PRSS12: variants seen among roughly 807,000 people sequenced by gnomAD.
PRSS12 encodes the protein neurotrypsin.
PRSS12 carries 85 observed loss-of-function variants against 104.4 expected under a neutral mutation model. The ratio of observed to expected loss-of-function variants is 0.81; its 90% confidence interval spans 0.68 to 0.98. The LOEUF (loss-of-function observed/expected upper bound fraction) is 0.98, where lower values mean the gene tolerates loss of function less well. Ranked by LOEUF, PRSS12 falls within the 50% of genes least tolerant of loss-of-function variation. PRSS12 has a pLI of 0.00. For synonymous variants in PRSS12, 454 were observed against 425.2 expected (o/e 1.07, Z -0.83); for missense variants, 1,141 against 1,139.2 (o/e 1.00, Z -0.02).
intron 11 of PRSS12, among the ~76,000 whole-genome samples, chr4:118,291,287 C>T (rs971697274): frequency 2.0e-5 from 3 of 152,120 alleles, no homozygotes; most frequent in African/African-American, 7.2e-5. Context: ...ATTGCCATCC[C>T]TCAAACATAG....
Position 118,318,469 on chromosome 4 carries a change from C to T in PRSS12, c.1059G>A (p.Glu353=). 1 of 1,614,168 alleles carries T rather than the reference C, an allele frequency of 6.2e-7. No individual in the cohort carries two copies. The highest frequency in any genetic ancestry group is 8.5e-7 in the Non-Finnish European group (1 of 1,180,018). Residue 353 remains glutamate (E), a synonymous_variant, in exon 5 of 13, where the codon GAG becomes GAA. Coordinates refer to ENST00000296498, the MANE Select transcript of PRSS12 (RefSeq NM_003619.4). The part of the protein sequence containing the change: ...MLDEVRCTGN[E]LSIEQCPKSS... Reference sequence around the variant, plus strand: ...TCTTTGGACACTGCTCAATTGAAAGCTCATTCCCAGTGCAGCGTACTTCAT... The same window carrying T: ...TCTTTGGACACTGCTCAATTGAAAGTTCATTCCCAGTGCAGCGTACTTCAT...
chr4:118,288,978 G>A (rs72677035), intron 11 of PRSS12, among the ~76,000 whole-genome samples: 8,199 of 152,278 alleles, frequency 0.054, 354 homozygotes, highest in Non-Finnish European at 0.085. Context: ...GCATGGAAAT[G>A]TGTGAAAGCT....
intron 3 of PRSS12, among the ~76,000 whole-genome samples, chr4:118,332,842 CA>C (rs2126040836): frequency 6.6e-6 from 1 of 152,272 alleles, no homozygotes; most frequent in South Asian, 2.1e-4. Flanking sequence ...TTCTGATTAA[CA>C]AACAGATATC....
chr4:118,311,592 C>A (rs1743730212), intron 7 of PRSS12, among the ~76,000 whole-genome samples: 1 of 151,990 alleles, frequency 6.6e-6, no homozygotes, highest in Non-Finnish European at 1.5e-5. Flanking sequence ...GATTCTATCC[C>A]AAAAGGATAT....
At chr4:118,334,158 G>A (rs768401167) in intron 3 of PRSS12, among the ~76,000 whole-genome samples, 10 of 152,112 alleles carry the variant, frequency 6.6e-5, no homozygotes, top group East Asian at 1.9e-4. Context: ...AATCTACCAC[G>A]AGAGAATCTT....
At chr4:118,328,539 A>G (rs574733838) in intron 4 of PRSS12, among the ~76,000 whole-genome samples, 2 of 152,308 alleles carry the variant, frequency 1.3e-5, no homozygotes, top group East Asian at 3.9e-4. Context: ...GTTTCTATTT[A>G]AGTGAAAAAA....
At chr4:118,302,262 T>G (rs1743420926) in intron 8 of PRSS12, among the ~76,000 whole-genome samples, 1 of 152,230 alleles carries the variant, frequency 6.6e-6, no homozygotes, top group Non-Finnish European at 1.5e-5. Flanking sequence ...GAATTAAATT[T>G]GCTAATATTT....
At chr4:118,325,110 C>A (rs1259706616) in intron 4 of PRSS12, among the ~76,000 whole-genome samples, 1 of 152,004 alleles carries the variant, frequency 6.6e-6, no homozygotes, top group Non-Finnish European at 1.5e-5. Context: ...AAGCTGGAAG[C>A]CACAATCCTA....
At chr4:118,311,076 A>ATT (rs1743710545) in intron 7 of PRSS12, among the ~76,000 whole-genome samples, 1 of 152,086 alleles carries the variant, frequency 6.6e-6, no homozygotes, top group African/African-American at 2.4e-5. Context: ...TAATTAATTA[A>ATT]ATTAAGCCTA....
chr4:118,282,238 C>T lies in PRSS12; in HGVS notation c.2326G>A (p.Ala776Thr). The T allele has an allele frequency of 6.2e-7, 1 of 1,614,170 alleles. No individual in the cohort carries two copies. The highest frequency in any genetic ancestry group is 8.5e-7 in the Non-Finnish European group (1 of 1,180,034). The change falls in exon 13 of 13, where the codon GCC (alanine) becomes ACC (threonine). Residue 776 changes from alanine to threonine, a missense_variant. By Grantham distance (58) the Ala-to-Thr change is moderately conservative. Coordinates refer to ENST00000296498, the MANE Select transcript of PRSS12 (RefSeq NM_003619.4). ...YITGWGDTGR[A>T]YSRTLQQAAI... ...GCTTGTTGTAGTGTTCTTGAATAGG[C>T]TCGTCCTACTCAGACCAAACATCTG...
At chr4:118,325,663 A>G (rs1241501248) in intron 4 of PRSS12, among the ~76,000 whole-genome samples, 1 of 152,118 alleles carries the variant, frequency 6.6e-6, no homozygotes, top group Non-Finnish European at 1.5e-5. Flanking sequence ...GTCATGAATT[A>G]CAATACTGAG....
In PRSS12 at chr4:118,352,843, C is replaced by A; in HGVS notation, c.-123G>T. ...ATCCCCCAGCCCCCTCCCGCCCCCG[C>A]ACGCGGACCGCCCTCGCCTCCCCAA... On this transcript the variant is annotated 5_prime_UTR_variant, in exon 1 of 13. Coordinates refer to ENST00000296498, the MANE Select transcript of PRSS12 (RefSeq NM_003619.4). 6.7e-7 allele frequency: 1 copy of A among 1,493,498 alleles called. No homozygotes were observed. Among genetic ancestry groups the A allele is most frequent in the Non-Finnish European group, 8.9e-7 (1 of 1,122,082 alleles). 92.5% of individuals were successfully genotyped at this position (1,493,498 alleles called of 1,614,324 possible). A position where few individuals can be genotyped will look rare whatever the true frequency, so the allele number is the denominator to read the frequency against.
intron 3 of PRSS12, among the ~76,000 whole-genome samples, chr4:118,335,120 C>T (rs1359767863): frequency 6.6e-6 from 1 of 152,132 alleles, no homozygotes; most frequent in African/African-American, 2.4e-5. Flanking sequence ...TATTTACTTT[C>T]ATGATTATTT....
Position 118,316,329 on chromosome 4 carries a change from A to T in PRSS12, c.1151-6T>A. 1 of 1,614,000 alleles carries T rather than the reference A, an allele frequency of 6.2e-7. No individual in the cohort carries two copies. The highest frequency in any genetic ancestry group is 8.5e-7 in the Non-Finnish European group (1 of 1,179,980). The stretch of plus-strand genomic sequence containing the variant: ...TGCAAGTCTGATGACCCCATCTGTG[A>T]TAAAGAGGAGACACAGAGACTAAGC... On this transcript the variant is annotated splice_region_variant and splice_polypyrimidine_tract_variant and intron_variant, in intron 5 of 12. Transcript: ENST00000296498.
rs748179512 is a variant in PRSS12, at chr4:118,283,078, C to G, written c.2073G>C (p.Arg691Ser). Reference sequence around the variant, plus strand: ...GTACCAGAGTATGATAATCTCCAACCCTAACAGCATAGCTCCTAGTGCTGT... The same window carrying G: ...GTACCAGAGTATGATAATCTCCAACGCTAACAGCATAGCTCCTAGTGCTGT... ...YGNSTRSYAV[R>S]VGDYHTLVPE... The change falls in exon 12 of 13, where the codon AGG becomes AGC. Residue 691 changes from arginine (R) to serine (S), a missense_variant. Arg to Ser is a moderately radical substitution (Grantham distance 110, BLOSUM62 -1). Coordinates refer to ENST00000296498, the MANE Select transcript of PRSS12 (RefSeq NM_003619.4). The G allele has an allele frequency of 6.2e-7, 1 of 1,614,146 alleles. No individual in the cohort carries two copies. Among genetic ancestry groups the G allele is most frequent in the African/African-American group, 1.3e-5 (1 of 75,044 alleles).
At chr4:118,305,917 A>G (rs1257528723) in intron 8 of PRSS12, 1 of 152,090 alleles carries the variant, frequency 6.6e-6, no homozygotes, top group African/African-American at 2.4e-5. Flanking sequence ...GTCTTTCAGT[A>G]ACTGTATATA....
intron 9 of PRSS12, among the ~76,000 whole-genome samples, chr4:118,297,420 G>T (rs1743278217): frequency 1.3e-5 from 2 of 152,010 alleles, no homozygotes; most frequent in South Asian, 2.1e-4. Context: ...AATTATTAAA[G>T]GGAATTCAGT....
chr4:118,340,137 G>C (rs1196822824), intron 1 of PRSS12, among the ~76,000 whole-genome samples: 1 of 152,140 alleles, frequency 6.6e-6, no homozygotes, highest in East Asian at 1.9e-4. Flanking sequence ...AGAAAATCCT[G>C]AGTAAAGTAT....
intron 8 of PRSS12, among the ~76,000 whole-genome samples, chr4:118,305,030 G>T (rs1384306736): frequency 2.7e-5 from 4 of 150,522 alleles, no homozygotes; most frequent in African/African-American, 9.8e-5. Flanking sequence ...CTTTATTAAA[G>T]ATTTTTTGTG....
Sources: allele counts gnomAD v4.1 joint callset (sites outside exome capture counted in the v4.1 genomes callset), GRCh38; gene constraint gnomAD v4.1.1; transcripts MANE v1.5; gene names NCBI Gene and HGNC (gene_info 2026-07-23, HGNC 2026-07-21).